Variants in CCDC7 observed in about 807,000 individuals in gnomAD.
CCDC7 encodes coiled-coil domain-containing protein 7.
CCDC7 carries 183 observed loss-of-function variants against 196.9 expected under a neutral mutation model. That is an observed-to-expected ratio of 0.93 (90% CI 0.82 to 1.05). CCDC7 has a LOEUF of 1.05. Ranked by LOEUF, CCDC7 falls within the 50% of genes least tolerant of loss-of-function variation. CCDC7 has a pLI of 0.00. For missense variants in CCDC7, 1,540 were observed against 1,482.2 expected (o/e 1.04, Z -0.64); for synonymous variants, 525 against 484.6 (o/e 1.08, Z -1.10).
exon 17 of CCDC7, chr10:32,583,175 T>C (rs2058907863): frequency 2.4e-6 from 3 of 1,231,442 alleles, no homozygotes; most frequent in Admixed American, 4.2e-5. Flanking sequence ...CAGAGACCCA[T>C]GATAAATCAC....
At chr10:32,803,416 G>C (rs1038627962) in intron 29 of CCDC7, among the ~76,000 whole-genome samples, 14 of 152,014 alleles carry the variant, frequency 9.2e-5, no homozygotes, top group Admixed American at 8.5e-4. Context: ...TTAGAACTGG[G>C]TTCTCTAGGG....
intron 24 of CCDC7, among the ~76,000 whole-genome samples, chr10:32,706,479 T>C (rs374536497): frequency 3.4e-4 from 52 of 151,834 alleles, no homozygotes; most frequent in African/African-American, 1.1e-3. Context: ...CAGAGCAGAA[T>C]TGAAGGAGAT....
In CCDC7 at chr10:32,706,965, T is replaced by C. The variant is rs142580086; in HGVS notation, c.2459-4655T>C. 7.9e-3 allele frequency among the ~76,000 whole-genome samples: 1,206 copies of C among 152,304 alleles called. 7 individuals carry two copies. Among genetic ancestry groups the C allele is most frequent in the Middle Eastern group, 0.02 (6 of 294 alleles). On this transcript the variant is annotated intron_variant, in intron 24 of 41. Coordinates refer to ENST00000639629, the Ensembl canonical transcript of CCDC7. The stretch of plus-strand genomic sequence containing the variant: ...AAAAGAGGGAATCCTCCCCAACTCA[T>C]TTTATGAGGCCAGCATCATCCTGAT...
chr10:32,476,072 A>G (rs2038916453), intron 8 of CCDC7, among the ~76,000 whole-genome samples: 1 of 152,206 alleles, frequency 6.6e-6, no homozygotes, highest in African/African-American at 2.4e-5. Context: ...TATTAACTAA[A>G]GTCCATAGTT....
rs773803713 is a variant in CCDC7, at chr10:32,834,905, A to G, written c.3352+7A>G. ...CAGTCAAAGAGTCATGGAGGTAAGA[A>G]CAAGAATTTTTCAAGTCTCCTGTTA... is the stretch of plus-strand genomic sequence containing the variant. On this transcript the variant is annotated splice_region_variant and intron_variant, in intron 33 of 41. Coordinates refer to ENST00000639629, the Ensembl canonical transcript of CCDC7. 2.3e-6 allele frequency: 3 copies of G among 1,285,958 alleles called. No individual in the cohort carries two copies. The highest frequency in any genetic ancestry group is 3.3e-6 in the Non-Finnish European group (3 of 912,094). 79.7% of individuals were successfully genotyped at this position (1,285,958 alleles called of 1,614,324 possible).
intron 18 of CCDC7, 53 bp from the exon 20 acceptor site, chr10:32,634,201 T>G (rs1227042015): frequency 1.2e-6 from 1 of 802,886 alleles, no homozygotes; most frequent in Non-Finnish European, 1.7e-6. Flanking sequence ...TTTGGAGATT[T>G]CACAATAGAG....
chr10:32,876,155 T>C (rs1485339471), intron 41 of CCDC7, among the ~76,000 whole-genome samples, 192 bp from the exon 43 acceptor site: 2 of 152,018 alleles, frequency 1.3e-5, no homozygotes, highest in Non-Finnish European at 2.9e-5. Context: ...ATATTTATAC[T>C]CCTCTAAGTT....
At chr10:32,560,966 G>T (rs3006711) in intron 13 of CCDC7, among the ~76,000 whole-genome samples, 58,436 of 151,728 alleles carry the variant, frequency 0.39, 11,510 homozygotes, top group East Asian at 0.58. Context: ...ATAAAAGGAT[G>T]GAGGAAGATC....
intron 21 of CCDC7, among the ~76,000 whole-genome samples, chr10:32,681,738 T>TAACAC: frequency 7.3e-6 from 1 of 137,630 alleles, no homozygotes; most frequent in African/African-American, 2.8e-5. Flanking sequence ...TTTATATGTA[T>TAACAC]ACACACACAC....
At chr10:32,817,888 A>G (rs1370648514) in intron 31 of CCDC7, among the ~76,000 whole-genome samples, 2 of 152,248 alleles carry the variant, frequency 1.3e-5, no homozygotes, top group African/African-American at 2.4e-5. Context: ...AAAACATGCC[A>G]AATGGTAAAG....
At chr10:32,672,583 C>A (rs1335948818) in intron 21 of CCDC7, among the ~76,000 whole-genome samples, 1 of 152,122 alleles carries the variant, frequency 6.6e-6, no homozygotes, top group Admixed American at 6.6e-5. Context: ...GACACATCAC[C>A]CTTTCTGGGG....
intron 20 of CCDC7, among the ~76,000 whole-genome samples, chr10:32,659,285 G>C (rs1229163541): frequency 6.6e-6 from 1 of 151,756 alleles, no homozygotes; most frequent in African/African-American, 2.4e-5. Flanking sequence ...TTTTCTCATT[G>C]ACTCATTGGT....
intron 18 of CCDC7, among the ~76,000 whole-genome samples, chr10:32,613,307 C>G (rs2062393855): frequency 1.3e-5 from 2 of 151,192 alleles, no homozygotes; most frequent in Admixed American, 6.6e-5. Context: ...TGATTCTTTT[C>G]TCTTCTTTAT....
exon 35 of CCDC7, chr10:32,845,605 A>G (rs1416689408): frequency 6.2e-7 from 1 of 1,612,514 alleles, no homozygotes; most frequent in East Asian, 2.2e-5. Flanking sequence ...GTCAACCACG[A>G]CACAATTAAA....
intron 18 of CCDC7, among the ~76,000 whole-genome samples, chr10:32,619,384 A>G (rs1341814142): frequency 3.9e-5 from 6 of 152,154 alleles, no homozygotes; most frequent in Non-Finnish European, 8.8e-5. Flanking sequence ...GTATAATAAC[A>G]ATAATGTATT....
intron 28 of CCDC7, among the ~76,000 whole-genome samples, chr10:32,735,261 A>G (rs1489152012): frequency 2.0e-5 from 3 of 152,226 alleles, no homozygotes; most frequent in Non-Finnish European, 4.4e-5. Context: ...ACTATATTTA[A>G]CTTTGTAAGA....
intron 22 of CCDC7, among the ~76,000 whole-genome samples, chr10:32,687,087 C>T (rs901293799): frequency 1.6e-4 from 25 of 152,172 alleles, no homozygotes; most frequent in Non-Finnish European, 3.1e-4. Flanking sequence ...CCTTTATGGA[C>T]AGTCACAATG....
chr10:32,583,414 A>T (rs2058933689), intron 17 of CCDC7, 107 bp downstream of exon 18: 1 of 763,482 alleles, frequency 1.3e-6, no homozygotes. Context: ...TTCTTATTTC[A>T]AGAGAATTAA....
chr10:32,661,327 T>C (rs1462631895), intron 20 of CCDC7, among the ~76,000 whole-genome samples: 23 of 150,784 alleles, frequency 1.5e-4, no homozygotes. Flanking sequence ...AAACAACAGG[T>C]GCTGGAGAGG....
Sources: gnomAD v4.1 joint callset for allele counts (sites outside exome capture counted in the v4.1 genomes callset) on GRCh38, gnomAD v4.1.1 for gene constraint, MANE v1.5 for transcripts, NCBI Gene and HGNC (gene_info 2026-07-23, HGNC 2026-07-21) for gene names.